Variants in WDR20 observed in about 807,000 individuals in gnomAD.
WDR20 encodes the protein WD repeat-containing protein 20.
WDR20 carries 3 observed loss-of-function variants against 38.7 expected under a neutral mutation model. The observed-to-expected ratio is 0.08, with a 90% CI of 0.04 to 0.20. WDR20 has a LOEUF of 0.20. WDR20 is among the 10% of genes least tolerant of loss of function. The pLI is 1.00. For synonymous variants in WDR20, 298 were observed against 285.6 expected, an observed-to-expected ratio of 1.04 and a Z score of -0.44; for missense variants, 559 against 727.7, an observed-to-expected ratio of 0.77 and a Z score of 2.67.
rs760200190 is a variant in WDR20, at chr14:102,195,140, A to T, written c.432+20A>T. 1.9e-6 allele frequency: 3 copies of T among 1,611,930 alleles called. No individual in the cohort carries two copies. In the South Asian group the frequency reaches 3.3e-5, roughly 18 times the overall value. On this transcript the variant is annotated intron_variant, in intron 2 of 2. Coordinates refer to ENST00000342702, the MANE Select transcript of WDR20 (RefSeq NM_144574.4). ...GAGGAAGTAAGTAGCACCCTGTCTTAGCTGTTAAGAATCCCTTTAAGAGTT... is the reference window on the plus strand; with the variant it reads ...GAGGAAGTAAGTAGCACCCTGTCTTTGCTGTTAAGAATCCCTTTAAGAGTT...
intron 1 of WDR20, among the ~76,000 whole-genome samples, chr14:102,184,564 C>G (rs1370223621): frequency 2.0e-5 from 3 of 152,090 alleles, no homozygotes; most frequent in Admixed American, 2.0e-4. Context: ...TGGCCACCCT[C>G]TCCCCACCCG....
At chr14:102,182,391 G>A (rs1388735070) in intron 1 of WDR20, among the ~76,000 whole-genome samples, 2 of 152,036 alleles carry the variant, frequency 1.3e-5, no homozygotes, top group Non-Finnish European at 2.9e-5. Flanking sequence ...AATTTTCCTG[G>A]CCTCTCTCCT....
Position 102,209,802 on chromosome 14 carries a change from C to T in WDR20, c.1632C>T (p.Asp544=), listed in dbSNP as rs1046043858. 6.2e-7 allele frequency: 1 copy of T among 1,613,946 alleles called. No individual in the cohort carries two copies. Among genetic ancestry groups the T allele is most frequent in the Non-Finnish European group, 8.5e-7 (1 of 1,180,040 alleles). The change falls in exon 3 of 3, where the codon GAC becomes GAT. Residue 544 remains aspartate, a synonymous_variant. Coordinates refer to ENST00000342702, the MANE Select transcript of WDR20 (RefSeq NM_144574.4). The surrounding 1 kb of genome is among the most constrained non-coding windows in gnomAD (Gnocchi z 6.0). ...ERLTVLIFLE[D]CIVTACQEGF... ...TGACTGTACTAATATTTCTTGAAGACTGTATAGTCACTGCTTGTCAGGAGG... is the reference window on the plus strand; with the variant it reads ...TGACTGTACTAATATTTCTTGAAGATTGTATAGTCACTGCTTGTCAGGAGG...
intron 2 of WDR20, among the ~76,000 whole-genome samples, chr14:102,203,019 A>G (rs543074373): frequency 1.3e-5 from 2 of 152,294 alleles, no homozygotes; most frequent in African/African-American, 4.8e-5. Context: ...CACGCTGCCC[A>G]TGGTCAAGTT....
chr14:102,199,428 G>A (rs567129501), intron 2 of WDR20, among the ~76,000 whole-genome samples: 1 of 152,132 alleles, frequency 6.6e-6, no homozygotes, highest in African/African-American at 2.4e-5. Context: ...CGTGGGAGGT[G>A]AGATACCAAC....
At chr14:102,164,458 T>C (rs1411801687) in intron 1 of WDR20, among the ~76,000 whole-genome samples, 1 of 152,180 alleles carries the variant, frequency 6.6e-6, no homozygotes, top group Non-Finnish European at 1.5e-5. Flanking sequence ...CGGGATCTTG[T>C]CATCAGCTGA....
intron 1 of WDR20, among the ~76,000 whole-genome samples, chr14:102,142,337 A>G (rs1226843221): frequency 2.0e-5 from 3 of 152,152 alleles, no homozygotes; most frequent in Non-Finnish European, 2.9e-5. Flanking sequence ...GTGACTTTTT[A>G]TGACTATTTT....
chr14:102,192,005 G>A (rs751289115), intron 1 of WDR20, among the ~76,000 whole-genome samples: 8 of 152,064 alleles, frequency 5.3e-5, no homozygotes, highest in Non-Finnish European at 7.4e-5. Flanking sequence ...AAATTTGTCC[G>A]TTGCCATAAA....
chr14:102,187,430 A>G (rs2152912872), intron 1 of WDR20, among the ~76,000 whole-genome samples: 1 of 152,056 alleles, frequency 6.6e-6, no homozygotes, highest in Non-Finnish European at 1.5e-5. Flanking sequence ...TCAGGAGGAC[A>G]TGACATCTCT....
chr14:102,140,938 C>T (rs1476452722), intron 1 of WDR20, among the ~76,000 whole-genome samples: 1 of 152,184 alleles, frequency 6.6e-6, no homozygotes, highest in Admixed American at 6.5e-5. Flanking sequence ...TCTTGTCCAA[C>T]AAGTCAGACT....
At chr14:102,157,244 A>G (rs1010732060) in intron 1 of WDR20, 2 of 152,216 alleles carry the variant, frequency 1.3e-5, no homozygotes, top group African/African-American at 4.8e-5. Flanking sequence ...CCTGGGCAAC[A>G]GAAACCCTGT....
At chr14:102,171,100 C>T (rs902297776) in intron 1 of WDR20, among the ~76,000 whole-genome samples, 13 of 151,668 alleles carry the variant, frequency 8.6e-5, no homozygotes, top group Middle Eastern at 3.4e-3. Flanking sequence ...TACAGGCATG[C>T]GCCACCATGC....
At chr14:102,192,364 A>T (rs1333605577) in intron 1 of WDR20, among the ~76,000 whole-genome samples, 1 of 152,020 alleles carries the variant, frequency 6.6e-6, no homozygotes, top group Non-Finnish European at 1.5e-5. Flanking sequence ...GTTTTAGTAG[A>T]GATGGGGTTT....
At chr14:102,196,810 C>G (rs2059487070) in intron 2 of WDR20, among the ~76,000 whole-genome samples, 1 of 152,198 alleles carries the variant, frequency 6.6e-6, no homozygotes, top group South Asian at 2.1e-4. Flanking sequence ...CATGAGTTAT[C>G]TCATACTCAC....
At chr14:102,195,217 C>T (rs1202344648) in intron 2 of WDR20, 97 bp downstream of exon 2, 1 of 1,391,714 alleles carries the variant, frequency 7.2e-7, no homozygotes, top group East Asian at 2.3e-5. Context: ...CAAGCTAAGC[C>T]CATTTTTTAT....
chr14:102,169,707 T>C (rs1285954347), intron 1 of WDR20, among the ~76,000 whole-genome samples: 1 of 152,068 alleles, frequency 6.6e-6, no homozygotes, highest in Non-Finnish European at 1.5e-5. Context: ...TTTGTATTTT[T>C]AGTAGAGACA....
At chr14:102,149,760 C>G (rs2055064242) in intron 1 of WDR20, among the ~76,000 whole-genome samples, 1 of 152,198 alleles carries the variant, frequency 6.6e-6, no homozygotes, top group South Asian at 2.1e-4. Flanking sequence ...GTGGCTCGAT[C>G]TCAGCACACT....
At chr14:102,186,617 C>A (rs1185733809) in intron 1 of WDR20, among the ~76,000 whole-genome samples, 1 of 152,048 alleles carries the variant, frequency 6.6e-6, no homozygotes, top group African/African-American at 2.4e-5. Flanking sequence ...ACTAATCAAT[C>A]CCTAACAGGC....
In WDR20 at chr14:102,202,477, T is replaced by C. The variant is rs1333344342; in HGVS notation, c.433-6126T>C. On this transcript the variant is annotated intron_variant, in intron 2 of 2. Coordinates refer to ENST00000342702, the MANE Select transcript of WDR20 (RefSeq NM_144574.4). ...TCACTGCAAACCTCTGCCTCCCGAGTTCACACCATTCTCCTGCCTCACCAC... is the reference window on the plus strand; with the variant it reads ...TCACTGCAAACCTCTGCCTCCCGAGCTCACACCATTCTCCTGCCTCACCAC... Among the ~76,000 whole-genome samples, 11 of 146,144 alleles carry C rather than the reference T, an allele frequency of 7.5e-5. No homozygotes were observed. The East Asian group carries it at 2.1e-3, about 28-fold the overall frequency.
Sources: allele counts gnomAD v4.1 joint callset (sites outside exome capture counted in the v4.1 genomes callset), GRCh38; gene constraint gnomAD v4.1.1; non-coding constraint Gnocchi (gnomAD v3.1); transcripts MANE v1.5; gene names NCBI Gene and HGNC (gene_info 2026-07-23, HGNC 2026-07-21).